Variants in HOOK2 observed in about 807,000 individuals in gnomAD.
The protein encoded by HOOK2 is protein Hook homolog 2.
Under a neutral mutation model 111.9 loss-of-function variants are expected in HOOK2, and 108 were observed. The observed-to-expected ratio is 0.96, with a 90% CI of 0.83 to 1.13. HOOK2 has a LOEUF of 1.13. Among genes scored for constraint, HOOK2 ranks in the 50% most tolerant of loss-of-function variants. The pLI is 0.00. For synonymous variants in HOOK2, 405 were observed against 394.3 expected (o/e 1.03, Z -0.32); for missense variants, 978 against 951.3 (o/e 1.03, Z -0.37).
chr19:12,792,119 C>T (rs1231858859), intron 3 of HOOK2: 1 of 1,599,236 alleles, frequency 6.3e-7, no homozygotes, highest in Admixed American at 1.8e-5. Context: ...GCGGGGGTGG[C>T]AGCGGTGGAG....
At chr19:12,783,313 C>CA (rs1332920175), upstream of HOOK2, among the ~76,000 whole-genome samples, 1 of 150,300 alleles carries the variant, frequency 6.7e-6, no homozygotes, top group Admixed American at 6.6e-5. Flanking sequence ...GGCGCCCCCC[C>CA]CAACTCCGCC....
chr19:12,765,254 G>A, intron 18 of HOOK2, 173 bp from the exon 19 acceptor site: 1 of 652,766 alleles, frequency 1.5e-6, no homozygotes, highest in Non-Finnish European at 2.7e-6. Flanking sequence ...CGGCTCCACA[G>A]CTGTCAGAGC....
chr19:12,766,062 C>T (rs766879028), intron 15 of HOOK2, 41 bp downstream of exon 15: 1 of 1,607,384 alleles, frequency 6.2e-7, no homozygotes, highest in East Asian at 2.2e-5. Context: ...TTTTGGCCCC[C>T]TCTGTCCCTG....
intron 10 of HOOK2, 132 bp downstream of exon 10, chr19:12,770,800 G>A (rs1423731000): frequency 3.6e-6 from 4 of 1,105,494 alleles, no homozygotes; most frequent in African/African-American, 3.2e-5. Flanking sequence ...TGGCACTGTG[G>A]AGTCCAGGGG....
intron 13 of HOOK2, 129 bp from the exon 14 acceptor site, chr19:12,767,593 C>G: frequency 1.1e-6 from 1 of 919,638 alleles, no homozygotes; most frequent in Non-Finnish European, 1.7e-6. Context: ...CAAGCTCCAT[C>G]CCCGGCTTGA....
intron 10 of HOOK2, 77 bp from the exon 11 acceptor site, chr19:12,770,159 G>C (rs1398492946): frequency 4.7e-6 from 6 of 1,279,456 alleles, no homozygotes; most frequent in Non-Finnish European, 6.2e-6. Context: ...GGCCCTTGGA[G>C]CACAGGGTGT....
chr19:12,767,279 C>T (rs368378852), intron 14 of HOOK2, 116 bp downstream of exon 14: 25 of 821,166 alleles, frequency 3.0e-5, no homozygotes, highest in East Asian at 1.8e-4. Flanking sequence ...CCGGCTGGCA[C>T]CTGGAGCTGA....
At chr19:12,782,925 T>C (rs1362290302), upstream of HOOK2, among the ~76,000 whole-genome samples, 1 of 150,366 alleles carries the variant, frequency 6.7e-6, no homozygotes, top group African/African-American at 2.4e-5. Flanking sequence ...GCTTCCCGCG[T>C]AGCCAGGCGC....
intron 7 of HOOK2, among the ~76,000 whole-genome samples, 183 bp from the exon 8 acceptor site, chr19:12,771,660 G>T (rs978442569): frequency 2.0e-5 from 3 of 152,050 alleles, no homozygotes; most frequent in South Asian, 2.1e-4. Flanking sequence ...AGGCGGGTGG[G>T]TTACCTGAGA....
rs763185867 is a variant in HOOK2, at chr19:12,790,929, C to T, written n.42-16704G>A. ...CCACTCACCCCTTTTGATCTCTCCC[C>T]TCCTCCGTCCTGTGAAAATTCCAGT... On this transcript the variant is annotated intron_variant and non_coding_transcript_variant, in intron 3 of 3. Coordinates refer to the HOOK2 transcript ENST00000589765. This position sits in a 1 kb window ranked among gnomAD's most constrained non-coding sequence, Gnocchi z 7.2. Among the ~76,000 whole-genome samples, 2 of 152,172 alleles carry T rather than the reference C, an allele frequency of 1.3e-5. No individual in the cohort carries two copies. Among genetic ancestry groups the T allele is most frequent in the Non-Finnish European group, 2.9e-5 (2 of 68,024 alleles).
chr19:12,773,231 C>CTTTTTTTTTTT (rs373156108), intron 3 of HOOK2, 187 bp from the exon 4 acceptor site: 148 of 254,838 alleles, frequency 5.8e-4, no homozygotes, highest in African/African-American at 6.9e-4. Context: ...ATCTTTGTTT[C>CTTTTTTTTTTT]TTTTTTTTTT....
rs1968265285 is a variant in HOOK2, at chr19:12,769,897, T to G, written c.1088A>C (p.Glu363Ala). ...CCGCCGCACCTGCCGCCGCTGCGCC[T>G]CCAGCTGGGCGCGCAGGGAGCCCGC... The part of the protein sequence containing the change: ...RRAGSLRAQL[E>A]AQRRQVQELQ... The change falls in exon 11 of 23, where the codon GAG becomes GCG. Residue 363 changes from glutamate (E) to alanine (A), a missense_variant. Glu to Ala is a moderately radical substitution (Grantham distance 107). Coordinates refer to ENST00000397668, the MANE Select transcript of HOOK2 (RefSeq NM_013312.3). The G allele has an allele frequency of 1.3e-6, 2 of 1,488,470 alleles. No homozygotes were observed. Among genetic ancestry groups the G allele is most frequent in the Non-Finnish European group, 1.8e-6 (2 of 1,128,128 alleles). 92.2% of individuals were successfully genotyped at this position (1,488,470 alleles called of 1,614,324 possible).
Position 12,770,015 on chromosome 19 carries a change from G to T in HOOK2, c.970C>A (p.Leu324Met). 1 of 1,541,606 alleles carries T rather than the reference G, an allele frequency of 6.5e-7. No individual in the cohort carries two copies. ...LTSCRRRLGE[L>M]RELRRQVRQL... ...CGCACCTGCCGCCGCAGCTCCCTCA[G>T]CTCGCCCAAGCGGCGCCGGCAACTG... is the stretch of plus-strand genomic sequence containing the variant. Residue 324 changes from leucine to methionine, a missense_variant, in exon 11 of 23, where the codon CTG becomes ATG. Leu to Met is a conservative substitution (Grantham distance 15). Coordinates refer to ENST00000397668, the MANE Select transcript of HOOK2 (RefSeq NM_013312.3).
At chr19:12,785,301 C>G (rs1209105632) in intron 3 of HOOK2, among the ~76,000 whole-genome samples, 2 of 151,778 alleles carry the variant, frequency 1.3e-5, no homozygotes, top group Non-Finnish European at 2.9e-5. Context: ...CTTTTTCACA[C>G]ACACACACAC....
intron 7 of HOOK2, 82 bp from the exon 8 acceptor site, chr19:12,771,559 T>G (rs1362554695): frequency 8.6e-7 from 1 of 1,166,260 alleles, no homozygotes; most frequent in Non-Finnish European, 1.3e-6. Flanking sequence ...AGAGGCCAAA[T>G]GGAGGGGGCC....
rs756409348 is a variant in HOOK2 at position 12,763,700 on chromosome 19, G to A, written c.1906C>T (p.Arg636Ter). Residue 636 changes from arginine to a stop codon, truncating the protein, a stop_gained, in exon 21 of 23, where the codon CGA becomes TGA. Transcript: ENST00000397668. LOFTEE classifies it high-confidence loss of function. ...PELHSLRTQL[R>*]ERDVRIRHLE... is the part of the protein sequence containing the mutation. ...TGTCGGATGCGGACATCCCGTTCTCGGAGCTGTGTCCTCAGGGAATGGAGT... is the reference window on the plus strand; with the variant it reads ...TGTCGGATGCGGACATCCCGTTCTCAGAGCTGTGTCCTCAGGGAATGGAGT... The A allele has an allele frequency of 2.3e-5, 37 of 1,614,208 alleles. No homozygotes were observed. Among genetic ancestry groups the A allele is most frequent in the South Asian group, 1.3e-4 (12 of 91,086 alleles).
rs148260955 is a variant in HOOK2 at position 12,769,409 on chromosome 19, G to A, written c.1104+472C>T. ...CCCAAAGTGCTGGGATTACAGGCGC[G>A]AGCCACCGCACCCGGTCTTTTTCTT... is the stretch of plus-strand genomic sequence containing the variant. On this transcript the variant is annotated intron_variant, in intron 11 of 22. Coordinates refer to ENST00000397668, the MANE Select transcript of HOOK2 (RefSeq NM_013312.3). Among the ~76,000 whole-genome samples, 906 of 152,250 alleles carry A rather than the reference G, an allele frequency of 6.0e-3. 7 individuals are homozygous for A. Among genetic ancestry groups the A allele is most frequent in the African/African-American group, 0.021 (875 of 41,544 alleles).
rs1049436905 is a variant in HOOK2, at chr19:12,763,384, A to C, written c.2058T>G (p.His686Gln). ...QRAGEERAPA[H>Q]AQSFLAQQRL... The stretch of plus-strand genomic sequence containing the variant: ...GCTGCTGTGCCAGGAATGACTGGGC[A>C]TGGGCAGGCGCCCGCTCCTCCCCAG... Residue 686 changes from histidine to glutamine, a missense_variant, in exon 23 of 23, where the codon CAT becomes CAG. Coordinates refer to ENST00000397668, the MANE Select transcript of HOOK2 (RefSeq NM_013312.3). 2.5e-6 allele frequency: 4 copies of C among 1,614,120 alleles called. No individual in the cohort carries two copies. The highest frequency in any genetic ancestry group is 3.4e-6 in the Non-Finnish European group (4 of 1,180,002).
In HOOK2 at chr19:12,775,502, T is replaced by A; in HGVS notation, c.-53A>T. 2 of 1,576,662 alleles carry A rather than the reference T, an allele frequency of 1.3e-6. No homozygotes were observed. Among genetic ancestry groups the A allele is most frequent in the Non-Finnish European group, 1.7e-6 (2 of 1,164,312 alleles). ...ACGGAGCCCCGGCGCCGCAGCAGCCTCCGGGTCCGCCACCAGCGAGCGCCC... is the reference window on the plus strand; with the variant it reads ...ACGGAGCCCCGGCGCCGCAGCAGCCACCGGGTCCGCCACCAGCGAGCGCCC... On this transcript the variant is annotated 5_prime_UTR_variant, in exon 1 of 23. Coordinates refer to ENST00000397668, the MANE Select transcript of HOOK2 (RefSeq NM_013312.3).
Sources: gnomAD v4.1 joint callset for allele counts (sites outside exome capture counted in the v4.1 genomes callset) on GRCh38, gnomAD v4.1.1 for gene constraint, Gnocchi (gnomAD v3.1) non-coding constraint, MANE v1.5 for transcripts, NCBI Gene and HGNC (gene_info 2026-07-23, HGNC 2026-07-21) for gene names.